Variants in SLC38A8 observed in about 807,000 individuals in gnomAD.
SLC38A8 encodes the protein solute carrier family 38 member 8, also known as amino acid transporter SLC38A8.
SLC38A8 carries 65 observed loss-of-function variants against 46.0 expected under a neutral mutation model. The observed-to-expected ratio is 1.41, with a 90% CI of 1.16 to 1.74. The LOEUF is 1.74. SLC38A8 is among the 40% of genes most tolerant of loss of function. The probability of loss-of-function intolerance (pLI) is 0.00; values close to 1 mark genes in which losing one functional copy is unlikely to be tolerated. For missense variants in SLC38A8, 998 were observed against 567.9 expected, an observed-to-expected ratio of 1.76 and a Z score of -7.70; for synonymous variants, 447 against 243.7, an observed-to-expected ratio of 1.83 and a Z score of -7.77.
intron 10 of SLC38A8, among the ~76,000 whole-genome samples, chr16:84,012,238 G>C (rs979356736): frequency 2.0e-5 from 3 of 152,204 alleles, no homozygotes; most frequent in African/African-American, 7.2e-5. Context: ...CAGAACCCCA[G>C]ACTACCCAGG....
chr16:84,019,341 T>C (rs1042416631), intron 7 of SLC38A8, among the ~76,000 whole-genome samples: 1 of 152,148 alleles, frequency 6.6e-6, no homozygotes, highest in African/African-American at 2.4e-5. Context: ...ACCATAATGC[T>C]GGGATTACAA....
intron 4 of SLC38A8, among the ~76,000 whole-genome samples, chr16:84,032,248 G>A (rs2089724): frequency 6.8e-4 from 104 of 152,268 alleles, no homozygotes; most frequent in Non-Finnish European, 1.3e-3. Flanking sequence ...GAGTGCAGTG[G>A]CGCAATCTTG....
chr16:84,011,310 T>A (rs1203220626), intron 10 of SLC38A8, among the ~76,000 whole-genome samples: 1 of 152,136 alleles, frequency 6.6e-6, no homozygotes, highest in South Asian at 2.1e-4. Flanking sequence ...ACAAAAAGCA[T>A]GAAGACTCCG....
chr16:84,011,726 A>G (rs2084956311), intron 10 of SLC38A8, among the ~76,000 whole-genome samples: 1 of 152,158 alleles, frequency 6.6e-6, no homozygotes, highest in African/African-American at 2.4e-5. Flanking sequence ...GTATCCTTAT[A>G]AAAGAAAGGC....
intron 1 of SLC38A8, 59 bp from the exon 2 acceptor site, chr16:84,042,218 C>T (rs2085376379): frequency 2.0e-6 from 3 of 1,522,814 alleles, no homozygotes; most frequent in African/African-American, 1.4e-5. Context: ...TCCCTAAGTT[C>T]TCGATATCCT....
At chr16:84,024,115 G>A (rs538850330) in intron 6 of SLC38A8, among the ~76,000 whole-genome samples, 1 of 152,132 alleles carries the variant, frequency 6.6e-6, no homozygotes, top group Non-Finnish European at 1.5e-5. Flanking sequence ...CCTCCCCCAA[G>A]TTGTGACAAC....
rs367772754 is a variant in SLC38A8 at position 84,022,933 on chromosome 16, G to T, written c.691-44C>A. On this transcript the variant is annotated intron_variant, in intron 6 of 10. Transcript: ENST00000299709. ...CTCAGCAGGATGCTGGCTTCCCCTG[G>T]AACAGGCGATGCGAAAAAAAACTCA... 2.1e-6 allele frequency: 3 copies of T among 1,446,746 alleles called. No homozygotes were observed. In the African/African-American group the frequency reaches 4.4e-5, roughly 21 times the overall value. 89.6% of individuals were successfully genotyped at this position (1,446,746 alleles called of 1,614,324 possible).
intron 2 of SLC38A8, among the ~76,000 whole-genome samples, chr16:84,040,780 G>C (rs760728870): frequency 6.6e-6 from 1 of 152,192 alleles, no homozygotes; most frequent in Non-Finnish European, 1.5e-5. Context: ...GATCCCCAGA[G>C]ACACATGACC....
Position 84,016,635 on chromosome 16 carries a change from G to A in SLC38A8, c.1046C>T (p.Pro349Leu), listed in dbSNP as rs143103906. 101 of 1,613,756 alleles carry A rather than the reference G, an allele frequency of 6.3e-5. No homozygotes were observed. Among genetic ancestry groups the A allele is most frequent in the African/African-American group, 5.5e-4 (41 of 74,942 alleles). The change falls in exon 9 of 11, where the codon CCG becomes CTG. Residue 349 changes from proline (P) to leucine (L), a missense_variant. Coordinates refer to ENST00000299709, the MANE Select transcript of SLC38A8 (RefSeq NM_001080442.3). ...CACGGTGACCCACAGGATGGTCAGC[G>A]GCATCCGGACCCACAGCCCTGAGGG... ...ADPSGLWVRM[P>L]LTILWVTVTL...
At chr16:84,015,469 TTTC>T (rs1197337382) in intron 9 of SLC38A8, among the ~76,000 whole-genome samples, 2 of 151,966 alleles carry the variant, frequency 1.3e-5, no homozygotes, top group Admixed American at 6.6e-5. Flanking sequence ...CATATACGAT[TTTC>T]TTTTTTTAAT....
chr16:84,022,928 C>G, intron 6 of SLC38A8, 39 bp from the exon 7 acceptor site: 1 of 1,476,636 alleles, frequency 6.8e-7, no homozygotes, highest in Non-Finnish European at 9.1e-7. Context: ...TGCTGGCTTC[C>G]CCTGGAACAG....
chr16:84,027,266 C>A (rs1000563798), intron 6 of SLC38A8, among the ~76,000 whole-genome samples: 2 of 152,202 alleles, frequency 1.3e-5, no homozygotes, highest in Admixed American at 1.3e-4. Context: ...AGGAGAATCG[C>A]TTGAACCCAG....
chr16:84,023,607 A>G (rs1039770995), intron 6 of SLC38A8, among the ~76,000 whole-genome samples: 2 of 152,166 alleles, frequency 1.3e-5, no homozygotes, highest in African/African-American at 2.4e-5. Context: ...AGGAAGCCAC[A>G]TAGGTGCCGG....
Position 84,035,216 on chromosome 16 carries a change from C to A in SLC38A8, c.388+1486G>T, listed in dbSNP as rs142741578. Among the ~76,000 whole-genome samples the A allele has an allele frequency of 3.1e-3, 478 of 152,316 alleles. 2 individuals carry two copies. Among genetic ancestry groups the A allele is most frequent in the African/African-American group, 0.011 (466 of 41,572 alleles). On this transcript the variant is annotated intron_variant, in intron 3 of 10. Transcript: ENST00000299709. ...AGTTCAGTGGAGTTGAAACTGCAGA[C>A]GAACTCTACTTGCCACTGTGGGGGA...
At chr16:84,034,042 C>G (rs1241953392) in intron 3 of SLC38A8, among the ~76,000 whole-genome samples, 1 of 152,164 alleles carries the variant, frequency 6.6e-6, no homozygotes, top group Non-Finnish European at 1.5e-5. Context: ...CTTGGGGGGT[C>G]TCTGGCTGGC....
intron 3 of SLC38A8, among the ~76,000 whole-genome samples, chr16:84,034,003 C>G (rs948921213): frequency 3.3e-5 from 5 of 152,300 alleles, no homozygotes; most frequent in African/African-American, 9.6e-5. Flanking sequence ...GCTGGCCAAT[C>G]CTCCTCCATA....
chr16:84,018,622 T>C (rs1193560609), intron 7 of SLC38A8, among the ~76,000 whole-genome samples: 2 of 152,270 alleles, frequency 1.3e-5, no homozygotes, highest in South Asian at 2.1e-4. Flanking sequence ...CTGCCTCTTA[T>C]GTGGGCTGTT....
chr16:84,042,152 C>T lies in SLC38A8; in HGVS notation c.6G>A (p.Glu2=), dbSNP rs570795956. Residue 2 remains glutamate, a synonymous_variant, in exon 2 of 11, where the codon GAG becomes GAA. Transcript: ENST00000299709. ...GGCCCCTGCTTCCTGGGGTCTGTCC[C>T]TCCATGGCTAGAGGCGGCAGAGGGG... M[E]GQTPGSRGLP... is the part of the protein sequence containing the mutation. The T allele has an allele frequency of 1.2e-6, 2 of 1,610,288 alleles. No homozygotes were observed. Among genetic ancestry groups the T allele is most frequent in the Middle Eastern group, 1.7e-4 (1 of 6,028 alleles).
At chr16:84,014,839 C>G (rs1597249897) in intron 9 of SLC38A8, among the ~76,000 whole-genome samples, 1 of 152,202 alleles carries the variant, frequency 6.6e-6, no homozygotes, top group Non-Finnish European at 1.5e-5. Context: ...TCTTTGATAA[C>G]CAACATTTCT....
Sources: allele counts gnomAD v4.1 joint callset (sites outside exome capture counted in the v4.1 genomes callset), GRCh38; gene constraint gnomAD v4.1.1; transcripts MANE v1.5; gene names NCBI Gene and HGNC (gene_info 2026-07-23, HGNC 2026-07-21).